PDZRN3: variants seen among roughly 807,000 people sequenced by gnomAD.
PDZRN3 encodes the protein E3 ubiquitin-protein ligase PDZRN3.
A neutral mutation model predicts 85.7 loss-of-function variants in PDZRN3; 38 were observed. That is an observed-to-expected ratio of 0.44 (90% CI 0.34 to 0.58). PDZRN3 has a LOEUF of 0.58. Among genes scored for constraint, PDZRN3 ranks in the 20% least tolerant of loss-of-function variants. The pLI, the probability that PDZRN3 is intolerant of heterozygous loss-of-function variation, is 0.01. For missense variants in PDZRN3, 1,629 were observed against 1,506.4 expected, an observed-to-expected ratio of 1.08 and a Z score of -1.35; for synonymous variants, 759 against 638.0, an observed-to-expected ratio of 1.19 and a Z score of -2.86.
rs9814506 is a variant in PDZRN3, at chr3:73,516,328, A to G, written c.918+86026T>C. 3.0e-3 allele frequency among the ~76,000 whole-genome samples: 455 copies of G among 152,280 alleles called. 1 individual carries two copies. Among genetic ancestry groups the G allele is most frequent in the African/African-American group, 0.011 (442 of 41,554 alleles). On this transcript the variant is annotated intron_variant, in intron 3 of 9. Coordinates refer to ENST00000263666, the MANE Select transcript of PDZRN3 (RefSeq NM_015009.3). ...TATTGCCAAAAGCTGCACCAATGTAAACTCTCACCAACAGTTTATGAGTGC... is the reference window on the plus strand; with the variant it reads ...TATTGCCAAAAGCTGCACCAATGTAGACTCTCACCAACAGTTTATGAGTGC...
intron 3 of PDZRN3, among the ~76,000 whole-genome samples, chr3:73,419,242 T>C (rs915967067): frequency 6.6e-6 from 1 of 152,172 alleles, no homozygotes; most frequent in Non-Finnish European, 1.5e-5. Flanking sequence ...GGGGAGTTCA[T>C]GTACATGACT....
intron 3 of PDZRN3, among the ~76,000 whole-genome samples, chr3:73,572,878 A>G (rs1702065059): frequency 6.6e-6 from 1 of 152,212 alleles, no homozygotes; most frequent in African/African-American, 2.4e-5. Flanking sequence ...AAACTTGGAA[A>G]AAATTGTTGG....
intron 3 of PDZRN3, among the ~76,000 whole-genome samples, chr3:73,575,058 A>C (rs1488676511): frequency 1.3e-5 from 2 of 152,194 alleles, no homozygotes; most frequent in Non-Finnish European, 2.9e-5. Context: ...ACAGCAGAAA[A>C]TCCCCAAGCT....
At chr3:73,510,776 C>T (rs1284208151) in intron 3 of PDZRN3, among the ~76,000 whole-genome samples, 1 of 152,116 alleles carries the variant, frequency 6.6e-6, no homozygotes, top group Non-Finnish European at 1.5e-5. Flanking sequence ...TACATAAATA[C>T]ATATGATAAA....
intron 3 of PDZRN3, among the ~76,000 whole-genome samples, chr3:73,581,534 A>T (rs1043856558): frequency 1.3e-5 from 2 of 152,184 alleles, no homozygotes; most frequent in African/African-American, 4.8e-5. Flanking sequence ...AACTTCTTGG[A>T]GTCCGAGTCC....
intron 3 of PDZRN3, among the ~76,000 whole-genome samples, chr3:73,562,281 G>A (rs895628481): frequency 1.3e-5 from 2 of 152,140 alleles, no homozygotes; most frequent in African/African-American, 4.8e-5. Flanking sequence ...CAGGGTAAAA[G>A]CTAATAAAAG....
chr3:73,404,627 G>T, intron 3 of PDZRN3: 1 of 487,666 alleles, frequency 2.1e-6, no homozygotes, highest in Non-Finnish European at 3.6e-6. Context: ...CAGCGGGAAG[G>T]CTTAGCTTCC....
chr3:73,439,655 T>C (rs1292723646), intron 3 of PDZRN3, among the ~76,000 whole-genome samples: 1 of 152,328 alleles, frequency 6.6e-6, no homozygotes, highest in Admixed American at 6.5e-5. Context: ...GTAAAAAATA[T>C]GTAACAGCAG....
At chr3:73,562,395 C>T (rs1052607109) in intron 3 of PDZRN3, among the ~76,000 whole-genome samples, 4 of 152,140 alleles carry the variant, frequency 2.6e-5, no homozygotes, top group Admixed American at 6.5e-5. Flanking sequence ...TGAGAAACCC[C>T]TGGCATTAGG....
At chr3:73,453,413 AAAAAAAAAAAC>A (rs1272662226) in intron 3 of PDZRN3, among the ~76,000 whole-genome samples, 2 of 136,118 alleles carry the variant, frequency 1.5e-5, no homozygotes, top group South Asian at 2.4e-4. Flanking sequence ...TCAAAAAAAA[AAAAAAAAAAAC>A]AAAAAAAAAA....
chr3:73,557,784 T>C (rs1228824708), intron 3 of PDZRN3, among the ~76,000 whole-genome samples: 1 of 152,196 alleles, frequency 6.6e-6, no homozygotes, highest in Non-Finnish European at 1.5e-5. Flanking sequence ...TTTAATAAAA[T>C]TTTAAAATAT....
At chr3:73,612,109 CA>C (rs201472803) in intron 1 of PDZRN3, among the ~76,000 whole-genome samples, 8,852 of 152,172 alleles carry the variant, frequency 0.058, 871 homozygotes, top group African/African-American at 0.2. Context: ...GCAATGGTCT[CA>C]AAACATAGTA....
At chr3:73,599,330 G>A (rs1392988589) in intron 3 of PDZRN3, among the ~76,000 whole-genome samples, 1 of 152,192 alleles carries the variant, frequency 6.6e-6, no homozygotes, top group Admixed American at 6.5e-5. Flanking sequence ...TATGCTAACT[G>A]AAATAAGCCA....
intron 3 of PDZRN3, among the ~76,000 whole-genome samples, chr3:73,492,353 T>C (rs1703787473): frequency 6.6e-6 from 1 of 152,226 alleles, no homozygotes; most frequent in Non-Finnish European, 1.5e-5. Flanking sequence ...GCTGTGTGCC[T>C]GTGAGCTCGC....
intron 3 of PDZRN3, among the ~76,000 whole-genome samples, chr3:73,555,991 T>C (rs1277960074): frequency 1.3e-5 from 2 of 152,164 alleles, no homozygotes; most frequent in South Asian, 4.1e-4. Flanking sequence ...AATTACAAAA[T>C]ATGCTTAAGG....
At chr3:73,614,584 C>T (rs958456733) in intron 1 of PDZRN3, among the ~76,000 whole-genome samples, 4 of 152,180 alleles carry the variant, frequency 2.6e-5, no homozygotes, top group Non-Finnish European at 5.9e-5. Context: ...TGATGTAACA[C>T]CTCGCAGCCT....
At chr3:73,419,997 T>A (rs1402939159) in intron 3 of PDZRN3, among the ~76,000 whole-genome samples, 1 of 152,170 alleles carries the variant, frequency 6.6e-6, no homozygotes, top group Non-Finnish European at 1.5e-5. Flanking sequence ...AGAGCTTTCA[T>A]ACTTTCCTAA....
chr3:73,386,026 T>TC (rs1348958593), intron 8 of PDZRN3, among the ~76,000 whole-genome samples: 1 of 151,952 alleles, frequency 6.6e-6, no homozygotes, highest in Non-Finnish European at 1.5e-5. Flanking sequence ...TTTTTTTTTT[T>TC]CAGGGTGAAA....
intron 3 of PDZRN3, among the ~76,000 whole-genome samples, chr3:73,554,128 G>A (rs1246470958): frequency 6.6e-6 from 1 of 152,174 alleles, no homozygotes; most frequent in Non-Finnish European, 1.5e-5. Flanking sequence ...GGCTGATGTG[G>A]AGAATGGCCA....
Sources: allele counts gnomAD v4.1 joint callset (sites outside exome capture counted in the v4.1 genomes callset), GRCh38; gene constraint gnomAD v4.1.1; transcripts MANE v1.5; gene names NCBI Gene and HGNC (gene_info 2026-07-23, HGNC 2026-07-21).